The following SYTL1 variants were observed in gnomAD, a reference collection of about 807,000 sequenced individuals.
SYTL1 encodes synaptotagmin like 1, also known as synaptotagmin-like protein 1.
In SYTL1, 53 loss-of-function variants were observed where a neutral mutation model predicts 74.6. That is an observed-to-expected ratio of 0.71 (90% confidence interval 0.57 to 0.89). The LOEUF is 0.89. SYTL1 is among the 40% of genes least tolerant of loss of function. SYTL1 has a pLI of 0.00. For synonymous variants in SYTL1, 329 were observed against 324.9 expected, an observed-to-expected ratio of 1.01 and a Z score of -0.14; for missense variants, 728 against 768.7, an observed-to-expected ratio of 0.95 and a Z score of 0.63.
At chr1:27,349,542 A>G in intron 7 of SYTL1, 44 bp downstream of exon 7, 1 of 1,453,044 alleles carries the variant, frequency 6.9e-7, no homozygotes, top group South Asian at 1.4e-5. Context: ...TCCGGAGCGG[A>G]CTCCGGGCGG....
Position 27,342,446 on chromosome 1 carries a change from A to G in SYTL1, c.-39+296A>G, listed in dbSNP as rs1039654027. 5.5e-6 allele frequency: 3 copies of G among 546,134 alleles called. No homozygotes were observed. Among genetic ancestry groups the G allele is most frequent in the Non-Finnish European group, 4.7e-6 (2 of 428,720 alleles). 33.8% of individuals were successfully genotyped at this position (546,134 alleles called of 1,614,324 possible). A position where few individuals can be genotyped will look rare whatever the true frequency, so the allele number is the denominator to read the frequency against. On this transcript the variant is annotated intron_variant, in intron 1 of 14. Coordinates refer to ENST00000616558, the MANE Select transcript of SYTL1 (RefSeq NM_001193308.2). This position sits in a 1 kb window ranked among gnomAD's most constrained non-coding sequence, Gnocchi z 4.7. Reference sequence around the variant, plus strand: ...TGCTGAGGACGCTGGGCTGATGCCCATGGCCCAGCTCAGGCAGGCCTGAAG... The same window carrying G: ...TGCTGAGGACGCTGGGCTGATGCCCGTGGCCCAGCTCAGGCAGGCCTGAAG...
intron 13 of SYTL1, 27 bp from the exon 14 acceptor site, chr1:27,353,256 C>T (rs780164071): frequency 1.9e-6 from 3 of 1,562,870 alleles, no homozygotes; most frequent in East Asian, 2.4e-5. Flanking sequence ...AGGGGGGTCA[C>T]CTGATGCCAG....
rs571410076 is a variant in SYTL1, at chr1:27,342,508, G to A, written c.-39+358G>A. ...GCTCAGTTCTGCCGAACGTCCCCCC[G>A]GCCTCCATCCACACTCAGACACACA... On this transcript the variant is annotated intron_variant, in intron 1 of 14. Transcript: ENST00000616558. This position sits in a 1 kb window ranked among gnomAD's most constrained non-coding sequence, Gnocchi z 4.7. 7.6e-5 allele frequency: 15 copies of A among 198,628 alleles called. No homozygotes were observed. The South Asian group carries it at 2.3e-3, about 30-fold the overall frequency. 12.3% of individuals were successfully genotyped at this position (198,628 alleles called of 1,614,324 possible).
rs1301757391 is a variant in SYTL1 at position 27,351,763 on chromosome 1, A to G, written c.1343+208A>G. ...CTGCATTTCAGCGTGACTGGCGCCT[A>G]TAGGACTTGTTGAAAAGCTGAGGCT... On this transcript the variant is annotated intron_variant, in intron 13 of 14. Transcript: ENST00000616558. This position sits in a 1 kb window ranked among gnomAD's most constrained non-coding sequence, Gnocchi z 5.0. The G allele has an allele frequency of 8.2e-6, 4 of 488,518 alleles. No homozygotes were observed. The highest frequency in any genetic ancestry group is 3.6e-6 in the Non-Finnish European group (1 of 279,182). The allele number at this position is 488,518 out of a possible 1,614,324, so 30.3% of individuals were successfully genotyped here.
chr1:27,345,559 A>G lies in SYTL1; in HGVS notation c.191+34A>G, dbSNP rs539735709. ...GGGCAGACCCTGGCCGGGGAGCACC[A>G]AGAGGCTTGAGTGGCCCCCATCCTG... On this transcript the variant is annotated intron_variant, in intron 2 of 14. Transcript: ENST00000616558. The surrounding 1 kb of genome is among the most constrained non-coding windows in gnomAD (Gnocchi z 6.0). 6.8e-7 allele frequency: 1 copy of G among 1,460,628 alleles called. No individual in the cohort carries two copies. Among genetic ancestry groups the G allele is most frequent in the East Asian group, 2.5e-5 (1 of 40,092 alleles). 90.5% of individuals were successfully genotyped at this position (1,460,628 alleles called of 1,614,324 possible).
At position 27,348,079 on chromosome 1, in the gene SYTL1, G is replaced by C. The variant is rs2015081382; in HGVS notation, c.459+67G>C. The C allele has an allele frequency of 9.9e-6, 15 of 1,512,622 alleles. No individual in the cohort carries two copies. The Admixed American group carries it at 1.2e-4, about 12-fold the overall frequency. The allele number at this position is 1,512,622 out of a possible 1,614,324, so 93.7% of individuals were successfully genotyped here. A position where few individuals can be genotyped will look rare whatever the true frequency, so the allele number is the denominator to read the frequency against. On this transcript the variant is annotated intron_variant, in intron 5 of 14. Coordinates refer to ENST00000616558, the MANE Select transcript of SYTL1 (RefSeq NM_001193308.2). The surrounding 1 kb of genome is among the most constrained non-coding windows in gnomAD (Gnocchi z 4.1). ...GGGAGGTGGAATGTGCAGGGGGCAG[G>C]GGGGAAAGAGCCCCAGCCTGGGAAT... is the stretch of plus-strand genomic sequence containing the variant.
rs1048634796 is a variant in SYTL1 at position 27,342,447 on chromosome 1, T to C, written c.-39+297T>C. 3.7e-6 allele frequency: 2 copies of C among 539,530 alleles called. No individual in the cohort carries two copies. Among genetic ancestry groups the C allele is most frequent in the Non-Finnish European group, 4.7e-6 (2 of 422,806 alleles). The allele number at this position is 539,530 out of a possible 1,614,324, so 33.4% of individuals were successfully genotyped here. A position where few individuals can be genotyped will look rare whatever the true frequency, so the allele number is the denominator to read the frequency against. ...GCTGAGGACGCTGGGCTGATGCCCA[T>C]GGCCCAGCTCAGGCAGGCCTGAAGG... On this transcript the variant is annotated intron_variant, in intron 1 of 14. Coordinates refer to ENST00000616558, the MANE Select transcript of SYTL1 (RefSeq NM_001193308.2). This position sits in a 1 kb window ranked among gnomAD's most constrained non-coding sequence, Gnocchi z 4.7.
chr1:27,346,975 A>T (rs1344521059), intron 2 of SYTL1, among the ~76,000 whole-genome samples: 1 of 151,830 alleles, frequency 6.6e-6, no homozygotes, highest in Non-Finnish European at 1.5e-5. Flanking sequence ...ATAAAAAATT[A>T]GCTGGGCATG....
In SYTL1 at chr1:27,351,339, G is replaced by C; in HGVS notation, c.1243+3G>C. ...GTACGTCCCCGCCGGCTCCGAGGGT[G>C]AGTGACAGCCGGAGAGGCCAAGCTG... On this transcript the variant is annotated splice_donor_region_variant and intron_variant, in intron 12 of 14. Coordinates refer to ENST00000616558, the MANE Select transcript of SYTL1 (RefSeq NM_001193308.2). The surrounding 1 kb of genome is among the most constrained non-coding windows in gnomAD (Gnocchi z 5.0). 2 of 1,547,746 alleles carry C rather than the reference G, an allele frequency of 1.3e-6. No homozygotes were observed. The highest frequency in any genetic ancestry group is 2.4e-5 in the East Asian group (1 of 41,692).
chr1:27,347,820 C>T lies in SYTL1; in HGVS notation c.353C>T (p.Pro118Leu), dbSNP rs2015067923. 6 of 1,613,630 alleles carry T rather than the reference C, an allele frequency of 3.7e-6. 1 individual carries two copies. In the South Asian group the frequency reaches 5.5e-5, roughly 15 times the overall value. ...RKKSTRGDQA[P>L]GHDREAEAAV... ...CACCTGCGCCCAGGAGACCAGGCTC[C>T]AGGCCACGACAGGGAGGCTGAGGCT... The change falls in exon 4 of 15, where the codon CCA becomes CTA. Residue 118 changes from proline to leucine, a missense_variant. Pro to Leu is a moderately conservative substitution (Grantham distance 98, BLOSUM62 -3). Transcript: ENST00000616558. The surrounding 1 kb of genome is among the most constrained non-coding windows in gnomAD (Gnocchi z 4.9).
At chr1:27,349,207 CT>C in intron 6 of SYTL1, 55 bp downstream of exon 6, 1 of 1,574,766 alleles carries the variant, frequency 6.4e-7, no homozygotes, top group Non-Finnish European at 8.7e-7. Flanking sequence ...TCAGAGGCAG[CT>C]CTAAGGGGCC....
Position 27,350,258 on chromosome 1 carries a change from A to T in SYTL1, c.908+126A>T. 6.7e-7 allele frequency: 1 copy of T among 1,494,736 alleles called. No homozygotes were observed. Among genetic ancestry groups the T allele is most frequent in the Non-Finnish European group, 9.3e-7 (1 of 1,076,518 alleles). 92.6% of individuals were successfully genotyped at this position (1,494,736 alleles called of 1,614,324 possible). On this transcript the variant is annotated intron_variant, in intron 9 of 14. Coordinates refer to ENST00000616558, the MANE Select transcript of SYTL1 (RefSeq NM_001193308.2). The surrounding 1 kb of genome is among the most constrained non-coding windows in gnomAD (Gnocchi z 6.3). ...AGCGTTATTGGGAGGCGTGCGATTA[A>T]GCGAGACAATCCCTGTAAAGCGCTT...
At chr1:27,353,232 C>T in intron 13 of SYTL1, 51 bp from the exon 14 acceptor site, 1 of 1,527,544 alleles carries the variant, frequency 6.5e-7, no homozygotes, top group Non-Finnish European at 8.9e-7. Context: ...GACTGGATGA[C>T]TCTAGGGAGT....
Position 27,345,311 on chromosome 1 carries a change from C to A in SYTL1, c.-24C>A. 1 of 1,452,854 alleles carries A rather than the reference C, an allele frequency of 6.9e-7. No individual in the cohort carries two copies. Among genetic ancestry groups the A allele is most frequent in the Non-Finnish European group, 9.1e-7 (1 of 1,101,774 alleles). 90.0% of individuals were successfully genotyped at this position (1,452,854 alleles called of 1,614,324 possible). A position where few individuals can be genotyped will look rare whatever the true frequency, so the allele number is the denominator to read the frequency against. On this transcript the variant is annotated 5_prime_UTR_variant, in exon 2 of 15. Transcript: ENST00000616558. The surrounding 1 kb of genome is among the most constrained non-coding windows in gnomAD (Gnocchi z 6.0). ...TCTGCCCCCAGGAAGCTCCGTGTGC[C>A]CAGCTGGGGCACAGCCCCAGCTGAT...
Position 27,350,846 on chromosome 1 carries a change from G to C in SYTL1, c.1058G>C (p.Trp353Ser), listed in dbSNP as rs747505196. The change falls in exon 11 of 15, where the codon TGG becomes TCG. Residue 353 changes from tryptophan (W) to serine (S), a missense_variant. Transcript: ENST00000616558. The surrounding 1 kb of genome is among the most constrained non-coding windows in gnomAD (Gnocchi z 6.3). ...GGCCGCGTGCTGAGCCTGTCTGTGT[G>C]GCACCGCGAAAGCCTGGGTCGCAAC... ...LQGRVLSLSV[W>S]HRESLGRNIF... is the part of the protein sequence containing the mutation. 6.2e-7 allele frequency: 1 copy of C among 1,613,864 alleles called. No homozygotes were observed. The highest frequency in any genetic ancestry group is 8.5e-7 in the Non-Finnish European group (1 of 1,180,020).
At position 27,347,418 on chromosome 1, in the gene SYTL1, C is replaced by T; in HGVS notation, c.192-3C>T. The T allele has an allele frequency of 6.2e-7, 1 of 1,614,028 alleles. No homozygotes were observed. The highest frequency in any genetic ancestry group is 8.5e-7 in the Non-Finnish European group (1 of 1,180,016). ...GACAGCCACACCCTCCCCCTTCCTC[C>T]AGCAAGCTCCGGGCCTCAGTGGCAG... On this transcript the variant is annotated splice_region_variant and splice_polypyrimidine_tract_variant and intron_variant, in intron 2 of 14. Coordinates refer to ENST00000616558, the MANE Select transcript of SYTL1 (RefSeq NM_001193308.2). This position sits in a 1 kb window ranked among gnomAD's most constrained non-coding sequence, Gnocchi z 4.9.
intron 8 of SYTL1, 66 bp downstream of exon 8, chr1:27,349,831 C>T (rs1276186122): frequency 6.5e-7 from 1 of 1,541,766 alleles, no homozygotes; most frequent in Non-Finnish European, 8.7e-7. Flanking sequence ...TAGCCCCTGC[C>T]TGCCCCTCCC....
chr1:27,348,299 C>T lies in SYTL1; in HGVS notation c.459+287C>T, dbSNP rs967795016. On this transcript the variant is annotated intron_variant, in intron 5 of 14. Transcript: ENST00000616558. This position sits in a 1 kb window ranked among gnomAD's most constrained non-coding sequence, Gnocchi z 4.1. ...TTAAGGGGTGAAGTGGGGCCAGGCA[C>T]GGTGGCTCATGCCTGTAATCCCAGC... is the stretch of plus-strand genomic sequence containing the variant. 6.6e-5 allele frequency among the ~76,000 whole-genome samples: 10 copies of T among 151,922 alleles called. No individual in the cohort carries two copies. Among genetic ancestry groups the T allele is most frequent in the Non-Finnish European group, 1.0e-4 (7 of 67,990 alleles).
At position 27,349,467 on chromosome 1, in the gene SYTL1, G is replaced by T. The variant is rs763026185; in HGVS notation, c.602G>T (p.Gly201Val). ...CCGGAGCTGGAGCCCGCGTCGGGGG[G>T]AGAGCAGGAGCCGCGGCCCCAGCAA... Reference protein sequence around the residue: ...ADPELEPASGGEQEPRPQQAQ... With the variant: ...ADPELEPASGVEQEPRPQQAQ... Residue 201 changes from glycine to valine, a missense_variant, in exon 7 of 15, where the codon GGA becomes GTA. Gly to Val is a moderately radical substitution (Grantham distance 109). Coordinates refer to ENST00000616558, the MANE Select transcript of SYTL1 (RefSeq NM_001193308.2). The T allele has an allele frequency of 1.9e-5, 27 of 1,454,382 alleles. No individual in the cohort carries two copies. The highest frequency in any genetic ancestry group is 2.4e-5 in the Non-Finnish European group (26 of 1,103,022). The allele number at this position is 1,454,382 out of a possible 1,614,324, so 90.1% of individuals were successfully genotyped here.
Sources: allele counts gnomAD v4.1 joint callset (sites outside exome capture counted in the v4.1 genomes callset), GRCh38; gene constraint gnomAD v4.1.1; non-coding constraint Gnocchi (gnomAD v3.1); transcripts MANE v1.5; gene names NCBI Gene and HGNC (gene_info 2026-07-23, HGNC 2026-07-21).